KIAA1217: variants seen among roughly 807,000 people sequenced by gnomAD.
KIAA1217 encodes the protein KIAA1217.
KIAA1217 carries 88 observed loss-of-function variants against 163.9 expected under a neutral mutation model. The observed-to-expected ratio is 0.54, with a 90% confidence interval of 0.45 to 0.64. KIAA1217 has a LOEUF of 0.64. Among genes scored for constraint, KIAA1217 ranks in the 30% least tolerant of loss-of-function variants. The pLI, the probability that KIAA1217 is intolerant of heterozygous loss-of-function variation, is 0.00. For synonymous variants in KIAA1217, 903 were observed against 923.1 expected (o/e 0.98, Z 0.39); for missense variants, 2,372 against 2,475.0 (o/e 0.96, Z 0.88).
Position 24,472,721 on chromosome 10 carries a change from G to A in KIAA1217, c.847-507G>A, listed in dbSNP as rs148549262. Among the ~76,000 whole-genome samples the A allele has an allele frequency of 6.1e-3, 922 of 152,300 alleles. 10 individuals carry two copies. Among genetic ancestry groups the A allele is most frequent in the African/African-American group, 0.021 (867 of 41,552 alleles). ...TAAATTTAGTGGCTTAAAACGTCAT[G>A]ATTTTTTTAAACACCATAGGTGTAT... On this transcript the variant is annotated intron_variant, in intron 5 of 20. Transcript: ENST00000376454.
At chr10:23,872,377 G>A (rs1208091313) in intron 1 of KIAA1217, among the ~76,000 whole-genome samples, 1 of 152,038 alleles carries the variant, frequency 6.6e-6, no homozygotes, top group Non-Finnish European at 1.5e-5. Flanking sequence ...AGGAGAACAA[G>A]TTCACTCACA....
At chr10:23,703,910 A>T (rs546135902) in intron 1 of KIAA1217, among the ~76,000 whole-genome samples, 1 of 151,226 alleles carries the variant, frequency 6.6e-6, no homozygotes, top group Admixed American at 6.6e-5. Context: ...TAAAAACTGC[A>T]TTTTTGTTTT....
chr10:24,244,098 A>C (rs1232133022), intron 2 of KIAA1217, among the ~76,000 whole-genome samples: 2 of 152,208 alleles, frequency 1.3e-5, no homozygotes, highest in Admixed American at 6.5e-5. Flanking sequence ...CATATTCCAA[A>C]TAAAATAGAG....
At chr10:23,933,804 T>C (rs898427277) in intron 1 of KIAA1217, among the ~76,000 whole-genome samples, 2 of 152,178 alleles carry the variant, frequency 1.3e-5, no homozygotes, top group Admixed American at 1.3e-4. Flanking sequence ...ACATCACTGA[T>C]CATCAGAGAA....
At chr10:23,812,354 A>T (rs1428608672) in intron 1 of KIAA1217, among the ~76,000 whole-genome samples, 1 of 152,176 alleles carries the variant, frequency 6.6e-6, no homozygotes, top group Non-Finnish European at 1.5e-5. Context: ...CATGAGTTAG[A>T]GTTAATTCAT....
intron 1 of KIAA1217, among the ~76,000 whole-genome samples, chr10:23,934,906 C>T (rs1023717763): frequency 3.7e-4 from 56 of 151,816 alleles, no homozygotes; most frequent in Non-Finnish European, 5.0e-4. Context: ...CATGAGCCAC[C>T]GCGCCTAGCC....
intron 2 of KIAA1217, among the ~76,000 whole-genome samples, chr10:24,149,984 A>G (rs1204520780): frequency 6.6e-6 from 1 of 152,116 alleles, no homozygotes; most frequent in East Asian, 1.9e-4. Flanking sequence ...TAAAGCTTAA[A>G]ACAGAACTAA....
At chr10:23,976,819 A>C (rs1352539941) in intron 1 of KIAA1217, among the ~76,000 whole-genome samples, 1 of 152,202 alleles carries the variant, frequency 6.6e-6, no homozygotes, top group Non-Finnish European at 1.5e-5. Context: ...TCTCACATTG[A>C]CCAGGTCAAG....
intron 1 of KIAA1217, among the ~76,000 whole-genome samples, chr10:24,000,721 T>C (rs1846701337): frequency 6.6e-6 from 1 of 152,246 alleles, no homozygotes; most frequent in Admixed American, 6.5e-5. Context: ...GAAAGATTGA[T>C]GAGCATGAGA....
intron 2 of KIAA1217, among the ~76,000 whole-genome samples, chr10:24,183,659 C>G (rs75218406): frequency 6.6e-6 from 1 of 152,200 alleles, no homozygotes; most frequent in Non-Finnish European, 1.5e-5. Context: ...CAATCCTCAA[C>G]TAGCCTCTTC....
chr10:23,760,146 A>G (rs1242883498), intron 1 of KIAA1217, among the ~76,000 whole-genome samples: 1 of 152,186 alleles, frequency 6.6e-6, no homozygotes, highest in Non-Finnish European at 1.5e-5. Flanking sequence ...GGCATACACA[A>G]ATCAAATCAA....
At chr10:23,732,050 T>C (rs1466312119) in intron 1 of KIAA1217, among the ~76,000 whole-genome samples, 1 of 152,108 alleles carries the variant, frequency 6.6e-6, no homozygotes. Flanking sequence ...AATCTATAGT[T>C]TTCTTGTAAT....
intron 1 of KIAA1217, among the ~76,000 whole-genome samples, chr10:23,943,451 T>C (rs1843867831): frequency 6.6e-6 from 1 of 152,182 alleles, no homozygotes; most frequent in Non-Finnish European, 1.5e-5. Flanking sequence ...CTATAAAACA[T>C]TTCTGATAGG....
chr10:24,185,970 A>C (rs1293026577), intron 2 of KIAA1217, among the ~76,000 whole-genome samples: 2 of 152,120 alleles, frequency 1.3e-5, no homozygotes, highest in Non-Finnish European at 2.9e-5. Flanking sequence ...TATTAAAAAA[A>C]AAAAAGATTC....
chr10:24,529,160 C>G (rs1171292011), intron 14 of KIAA1217, among the ~76,000 whole-genome samples: 1 of 152,104 alleles, frequency 6.6e-6, no homozygotes, highest in Non-Finnish European at 1.5e-5. Context: ...AAGTGTATTC[C>G]ATTTATAACC....
At chr10:24,231,803 T>C (rs2071452054) in intron 2 of KIAA1217, among the ~76,000 whole-genome samples, 1 of 148,486 alleles carries the variant, frequency 6.7e-6, no homozygotes, top group Non-Finnish European at 1.5e-5. Context: ...ACTCTTGGGT[T>C]TTTTTTTTTT....
At chr10:24,496,799 C>T (rs929668581) in intron 8 of KIAA1217, among the ~76,000 whole-genome samples, 2 of 152,302 alleles carry the variant, frequency 1.3e-5, no homozygotes, top group Middle Eastern at 3.4e-3. Flanking sequence ...TAGGTTGTTT[C>T]ATTTCTTTGT....
chr10:24,142,660 A>G (rs932147611), intron 2 of KIAA1217, among the ~76,000 whole-genome samples: 3 of 152,224 alleles, frequency 2.0e-5, no homozygotes, highest in Non-Finnish European at 4.4e-5. Context: ...GCTGGGAACT[A>G]TTTTTAGAAA....
chr10:23,958,016 T>A (rs1589142125), intron 1 of KIAA1217, among the ~76,000 whole-genome samples: 1 of 152,314 alleles, frequency 6.6e-6, no homozygotes, highest in Middle Eastern at 3.4e-3. Flanking sequence ...AGAATGAGAA[T>A]ATTTGCAGGT....
Sources: gnomAD v4.1 joint callset for allele counts (sites outside exome capture counted in the v4.1 genomes callset) on GRCh38, gnomAD v4.1.1 for gene constraint, MANE v1.5 for transcripts, NCBI Gene and HGNC (gene_info 2026-07-23, HGNC 2026-07-21) for gene names.